Variants in RASA1 observed in about 807,000 individuals in gnomAD.
RASA1 encodes RAS p21 protein activator 1, also known as ras GTPase-activating protein 1.
In RASA1, 25 loss-of-function variants were observed where a neutral mutation model predicts 132.2. That is an observed-to-expected ratio of 0.19 (90% CI 0.14 to 0.26). The LOEUF (loss-of-function observed/expected upper bound fraction) is 0.26. Ranked by LOEUF, RASA1 falls within the 10% of genes least tolerant of loss-of-function variation. The probability of loss-of-function intolerance (pLI) is 1.00; values close to 1 mark genes in which losing one functional copy is unlikely to be tolerated. For missense variants in RASA1, 964 were observed against 1,299.2 expected (o/e 0.74, Z 3.97); for synonymous variants, 477 against 449.9 (o/e 1.06, Z -0.76).
intron 1 of RASA1, among the ~76,000 whole-genome samples, chr5:87,313,894 G>A (rs1171246519): frequency 6.6e-6 from 1 of 152,170 alleles, no homozygotes; most frequent in Admixed American, 6.5e-5. Flanking sequence ...TGGGCCGGGC[G>A]TGGTGGCTCA....
At chr5:87,381,585 T>A (rs1199722775) in intron 20 of RASA1, among the ~76,000 whole-genome samples, 2 of 152,220 alleles carry the variant, frequency 1.3e-5, no homozygotes, top group Non-Finnish European at 2.9e-5. Context: ...TCTATTTCTT[T>A]TTTTGGGGGG....
rs1479761009 is a variant in RASA1, at chr5:87,346,795, ATGTGTTT to A, written c.1102+74_1102+80del. ...TAAAAAAGTGAACAAACCATTTATC[ATGTGTTT>A]TGCCTTTAGCATTCAGTTAGTGTTT... On this transcript the variant is annotated intron_variant, in intron 7 of 24. Coordinates refer to ENST00000274376, the MANE Select transcript of RASA1 (RefSeq NM_002890.3). The A allele has an allele frequency of 1.1e-5, 13 of 1,229,726 alleles. No individual in the cohort carries two copies. In the African/African-American group the frequency reaches 1.3e-4, roughly 13 times the overall value. The allele number at this position is 1,229,726 out of a possible 1,614,324, so 76.2% of individuals were successfully genotyped here.
intron 4 of RASA1, 51 bp downstream of exon 4, chr5:87,333,388 G>T: frequency 6.2e-7 from 1 of 1,603,048 alleles, no homozygotes; most frequent in Non-Finnish European, 8.5e-7. Flanking sequence ...GCTAGACTTC[G>T]AAGATTTATT....
chr5:87,284,800 C>T (rs548717242), intron 1 of RASA1, among the ~76,000 whole-genome samples: 1 of 152,066 alleles, frequency 6.6e-6, no homozygotes, highest in Non-Finnish European at 1.5e-5. Flanking sequence ...AAATCATATC[C>T]TCTAGTTAAT....
chr5:87,374,650 G>A (rs748629848), intron 14 of RASA1, among the ~76,000 whole-genome samples, 190 bp from the exon 15 acceptor site: 71 of 151,492 alleles, frequency 4.7e-4, no homozygotes, highest in Non-Finnish European at 1.6e-4. Context: ...AAGATGGTAG[G>A]AAAAGTGTGT....
chr5:87,333,893 A>C (rs986252274), intron 4 of RASA1, among the ~76,000 whole-genome samples: 1 of 152,136 alleles, frequency 6.6e-6, no homozygotes, highest in Non-Finnish European at 1.5e-5. Flanking sequence ...TTGTAATGTA[A>C]ACTGGACAGG....
chr5:87,318,912 A>C (rs992854966), intron 1 of RASA1: 3 of 152,270 alleles, frequency 2.0e-5, no homozygotes, highest in Non-Finnish European at 4.4e-5. Flanking sequence ...AAAATAAAAA[A>C]CAAGTTAGTT....
intron 6 of RASA1, among the ~76,000 whole-genome samples, chr5:87,342,003 G>A: frequency 6.6e-6 from 1 of 152,022 alleles, no homozygotes. Flanking sequence ...TCACCCTTCT[G>A]TAAGTGGAAT....
rs76371191 is a variant in RASA1, at chr5:87,319,919, G to A, written c.540-11429G>A. 2.9e-3 allele frequency among the ~76,000 whole-genome samples: 448 copies of A among 152,208 alleles called. 2 individuals are homozygous for A. The highest frequency in any genetic ancestry group is 9.9e-3 in the African/African-American group (410 of 41,524). On this transcript the variant is annotated intron_variant, in intron 1 of 24. Coordinates refer to ENST00000274376, the MANE Select transcript of RASA1 (RefSeq NM_002890.3). ...TAAACATAAGTTCCAATTTCACACC[G>A]TCTCTTCATACATATGAGCATATAC... is the stretch of plus-strand genomic sequence containing the variant.
intron 1 of RASA1, among the ~76,000 whole-genome samples, chr5:87,284,695 A>G (rs925666361): frequency 2.0e-5 from 3 of 152,014 alleles, no homozygotes; most frequent in African/African-American, 4.8e-5. Flanking sequence ...GAATATAACT[A>G]TTTGTTTGTA....
At position 87,363,481 on chromosome 5, in the gene RASA1, C is replaced by T. The variant is rs747313927; in HGVS notation, c.1587C>T (p.Val529=). 22 of 1,612,010 alleles carry T rather than the reference C, an allele frequency of 1.4e-5. No individual in the cohort carries two copies. The highest frequency in any genetic ancestry group is 2.2e-5 in the East Asian group (1 of 44,720). ...ATCTCAGTGTATGTTCTGTCTATGTCGTTCATGATAGTCTCTTTGGCAGGT... is the reference window on the plus strand; with the variant it reads ...ATCTCAGTGTATGTTCTGTCTATGTTGTTCATGATAGTCTCTTTGGCAGGT... ...LIDLSVCSVY[V]VHDSLFGRPN... The change falls in exon 11 of 25, where the codon GTC becomes GTT. Residue 529 remains valine, a synonymous_variant. Transcript: ENST00000274376.
At chr5:87,371,670 G>A (rs6891010) in intron 12 of RASA1, among the ~76,000 whole-genome samples, 1,803 of 152,026 alleles carry the variant, frequency 0.012, 28 homozygotes, top group African/African-American at 0.041. Flanking sequence ...TCATGGGATC[G>A]GTCATCACAT....
intron 21 of RASA1, 99 bp from the exon 22 acceptor site, chr5:87,385,202 G>A: frequency 1.2e-6 from 1 of 821,326 alleles, no homozygotes; most frequent in South Asian, 1.4e-5. Flanking sequence ...ATGGGTAGTA[G>A]TTTAACAGTA....
At chr5:87,296,948 T>G (rs1293504879) in intron 1 of RASA1, among the ~76,000 whole-genome samples, 1 of 152,130 alleles carries the variant, frequency 6.6e-6, no homozygotes, top group African/African-American at 2.4e-5. Context: ...TGTTCTACTC[T>G]TTCTTTTTCC....
At chr5:87,320,179 C>T (rs540129001) in intron 1 of RASA1, among the ~76,000 whole-genome samples, 1 of 152,306 alleles carries the variant, frequency 6.6e-6, no homozygotes, top group Admixed American at 6.5e-5. Flanking sequence ...ATATCACTGT[C>T]AGCATTTTGG....
intron 7 of RASA1, among the ~76,000 whole-genome samples, chr5:87,347,921 GGAGC>G (rs1758979314): frequency 1.3e-5 from 2 of 151,890 alleles, no homozygotes; most frequent in South Asian, 4.1e-4. Context: ...AGGTTGAAAA[GGAGC>G]TAAACTTAAT....
intron 1 of RASA1, among the ~76,000 whole-genome samples, chr5:87,311,016 G>C (rs997832038): frequency 2.6e-5 from 4 of 152,146 alleles, no homozygotes; most frequent in Non-Finnish European, 4.4e-5. Flanking sequence ...CAGTCCTTGA[G>C]TATATGTCCT....
intron 1 of RASA1, among the ~76,000 whole-genome samples, chr5:87,325,218 A>G (rs1374234411): frequency 1.3e-5 from 2 of 152,214 alleles, no homozygotes; most frequent in African/African-American, 4.8e-5. Context: ...AGAACTCACT[A>G]TCACAATAAC....
chr5:87,322,889 T>C, intron 1 of RASA1, among the ~76,000 whole-genome samples: 1 of 152,198 alleles, frequency 6.6e-6, no homozygotes, highest in East Asian at 1.9e-4. Flanking sequence ...GGAAGGATGC[T>C]GGTGTTATTA....
Sources: allele counts gnomAD v4.1 joint callset (sites outside exome capture counted in the v4.1 genomes callset), GRCh38; gene constraint gnomAD v4.1.1; transcripts MANE v1.5; gene names NCBI Gene and HGNC (gene_info 2026-07-23, HGNC 2026-07-21).